RAB11FIP2: variants seen among roughly 807,000 people sequenced by gnomAD.
The protein encoded by RAB11FIP2 is RAB11 family interacting protein 2, also known as rab11 family-interacting protein 2.
Under a neutral mutation model 40.9 loss-of-function variants are expected in RAB11FIP2, and 16 were observed. That is an observed-to-expected ratio of 0.39 (90% CI 0.26 to 0.59). The LOEUF (loss-of-function observed/expected upper bound fraction) is 0.59. Ranked by LOEUF, RAB11FIP2 falls within the 20% of genes least tolerant of loss-of-function variation. RAB11FIP2 has a pLI of 0.53. For missense variants in RAB11FIP2, 532 were observed against 606.2 expected (o/e 0.88, Z 1.28); for synonymous variants, 228 against 213.7 (o/e 1.07, Z -0.58).
At chr10:118,017,508 A>C (rs1477804808) in intron 3 of RAB11FIP2, 1 of 152,158 alleles carries the variant, frequency 6.6e-6, no homozygotes, top group Admixed American at 6.5e-5. Context: ...AGGGCTCTGC[A>C]AACATATGGC....
intron 2 of RAB11FIP2, 77 bp downstream of exon 2, chr10:118,040,046 T>C: frequency 7.2e-7 from 1 of 1,387,822 alleles, no homozygotes; most frequent in Non-Finnish European, 9.8e-7. Flanking sequence ...TATTTTGATT[T>C]ACTAAATTTA....
intron 4 of RAB11FIP2, among the ~76,000 whole-genome samples, chr10:118,010,577 G>C (rs1452546598): frequency 2.6e-5 from 4 of 152,056 alleles, no homozygotes; most frequent in Non-Finnish European, 5.9e-5. Flanking sequence ...CAAGGAACCA[G>C]GACTTTACCA....
rs1163408759 is a variant in RAB11FIP2 at position 118,005,621 on chromosome 10, T to C, written c.*3377A>G. On this transcript the variant is annotated 3_prime_UTR_variant, in exon 5 of 5. Transcript: ENST00000355624. ...TGACACCTACCACCTACAAGACATA[T>C]GAGTACATGAACATCAAAAAAGTTT... is the stretch of plus-strand genomic sequence containing the variant. 6.6e-6 allele frequency: 1 copy of C among 152,134 alleles called. No individual in the cohort carries two copies. Among genetic ancestry groups the C allele is most frequent in the East Asian group, 1.9e-4 (1 of 5,190 alleles). 9.4% of individuals were successfully genotyped at this position (152,134 alleles called of 1,614,324 possible). A position where few individuals can be genotyped will look rare whatever the true frequency, so the allele number is the denominator to read the frequency against.
intron 3 of RAB11FIP2, chr10:118,017,894 T>C (rs980341474): frequency 6.6e-6 from 1 of 152,122 alleles, no homozygotes; most frequent in African/African-American, 2.4e-5. Flanking sequence ...AAACTAACCA[T>C]ATGTAGTAGC....
In RAB11FIP2 at chr10:118,006,334, A is replaced by T. The variant is rs1270704323; in HGVS notation, c.*2664T>A. 6.6e-6 allele frequency: 1 copy of T among 152,590 alleles called. No homozygotes were observed. The highest frequency in any genetic ancestry group is 2.4e-5 in the African/African-American group (1 of 41,454). 9.5% of individuals were successfully genotyped at this position (152,590 alleles called of 1,614,324 possible). Reference sequence around the variant, plus strand: ...AATATCAATTCTGTGATTTTAAAAAATCCTCTTGTTGGTAGTAGTGTTTTG... The same window carrying T: ...AATATCAATTCTGTGATTTTAAAAATTCCTCTTGTTGGTAGTAGTGTTTTG... On this transcript the variant is annotated 3_prime_UTR_variant, in exon 5 of 5. Transcript: ENST00000355624.
intron 1 of RAB11FIP2, among the ~76,000 whole-genome samples, chr10:118,041,037 C>T (rs938661789): frequency 6.6e-6 from 1 of 151,882 alleles, no homozygotes; most frequent in Non-Finnish European, 1.5e-5. Flanking sequence ...TAATAAATAC[C>T]TGGCCCCATC....
At chr10:118,031,014 T>C (rs1846407315) in intron 3 of RAB11FIP2, among the ~76,000 whole-genome samples, 1 of 152,148 alleles carries the variant, frequency 6.6e-6, no homozygotes, top group African/African-American at 2.4e-5. Flanking sequence ...TGTAAATCTC[T>C]GAGCACTAAT....
chr10:118,012,755 T>A (rs1405466182), intron 4 of RAB11FIP2, among the ~76,000 whole-genome samples: 1 of 152,080 alleles, frequency 6.6e-6, no homozygotes, highest in East Asian at 1.9e-4. Flanking sequence ...CTTACAATGG[T>A]TACTCCAAAG....
intron 1 of RAB11FIP2, among the ~76,000 whole-genome samples, chr10:118,043,816 C>T (rs1846592714): frequency 6.6e-6 from 1 of 152,116 alleles, no homozygotes; most frequent in South Asian, 2.1e-4. Context: ...TTGAAATATA[C>T]CGGCGGCTCA....
At position 118,023,497 on chromosome 10, in the gene RAB11FIP2, CA is replaced by C. The variant is rs151220855; in HGVS notation, c.1266-8388del. Reference sequence around the variant, plus strand: ...GTCTCCTGGGACTGGGCATGTACACCAAAACCTCGATGACAAAACAGAACCT... The same window carrying C: ...GTCTCCTGGGACTGGGCATGTACACCAAACCTCGATGACAAAACAGAACCT... On this transcript the variant is annotated intron_variant, in intron 3 of 4. Transcript: ENST00000355624. Among the ~76,000 whole-genome samples the C allele has an allele frequency of 5.5e-3, 844 of 152,152 alleles. 10 individuals are homozygous for C. The highest frequency in any genetic ancestry group is 0.019 in the African/African-American group (802 of 41,514).
intron 4 of RAB11FIP2, among the ~76,000 whole-genome samples, chr10:118,013,447 A>G (rs1195319404): frequency 1.3e-5 from 2 of 152,120 alleles, no homozygotes; most frequent in South Asian, 2.1e-4. Flanking sequence ...GCACTAGCAT[A>G]TAAGACATAC....
rs1408597069 is a variant in RAB11FIP2 at position 118,040,258 on chromosome 10, G to A, written c.661C>T (p.Arg221Ter). Residue 221 changes from arginine (R) to a stop codon, truncating the protein, a stop_gained, in exon 2 of 5, where the codon CGA (arginine) becomes TGA (stop). Transcript: ENST00000355624. LOFTEE classifies it high-confidence loss of function. ...PKKPFLLGPQ[R>*]LSSAHSMSDL... Reference sequence around the variant, plus strand: ...GACATTGAATGCGCTGACGAGAGTCGCTGAGGACCCAAGAGAAAAGGCTTT... The same window carrying A: ...GACATTGAATGCGCTGACGAGAGTCACTGAGGACCCAAGAGAAAAGGCTTT... The A allele has an allele frequency of 2.5e-6, 4 of 1,613,628 alleles. No homozygotes were observed. The highest frequency in any genetic ancestry group is 2.2e-5 in the East Asian group (1 of 44,876).
chr10:118,011,324 A>G (rs897750883), intron 4 of RAB11FIP2, among the ~76,000 whole-genome samples: 7 of 151,982 alleles, frequency 4.6e-5, no homozygotes, highest in East Asian at 1.9e-4. Context: ...AATTCTAGAG[A>G]TAAGTGTTGT....
At chr10:118,032,875 T>C (rs1444549557) in intron 3 of RAB11FIP2, among the ~76,000 whole-genome samples, 2 of 152,118 alleles carry the variant, frequency 1.3e-5, no homozygotes, top group Non-Finnish European at 2.9e-5. Flanking sequence ...AGTTACTTAG[T>C]AGCCATCTCG....
At chr10:118,043,919 T>C (rs567502354) in intron 1 of RAB11FIP2, among the ~76,000 whole-genome samples, 69 of 152,274 alleles carry the variant, frequency 4.5e-4, no homozygotes, top group Middle Eastern at 3.4e-3. Context: ...AATAAAGATA[T>C]CTCATCAAAT....
intron 1 of RAB11FIP2, among the ~76,000 whole-genome samples, chr10:118,042,005 AC>A (rs899433268): frequency 6.6e-6 from 1 of 152,222 alleles, no homozygotes; most frequent in African/African-American, 2.4e-5. Flanking sequence ...GAAATAGACA[AC>A]CTTAAATAAC....
At chr10:118,024,610 C>T (rs567569846) in intron 3 of RAB11FIP2, among the ~76,000 whole-genome samples, 13 of 151,930 alleles carry the variant, frequency 8.6e-5, no homozygotes, top group South Asian at 6.3e-4. Context: ...TGCCTGTCTA[C>T]GTGATCAAGA....
At chr10:118,021,953 T>C (rs1263981868) in intron 3 of RAB11FIP2, among the ~76,000 whole-genome samples, 2 of 152,334 alleles carry the variant, frequency 1.3e-5, no homozygotes, top group Middle Eastern at 3.4e-3. Flanking sequence ...AGTAAATCTT[T>C]TCAACTACCA....
At chr10:118,016,574 A>G (rs977900560) in intron 3 of RAB11FIP2, among the ~76,000 whole-genome samples, 9 of 152,208 alleles carry the variant, frequency 5.9e-5, no homozygotes, top group Non-Finnish European at 1.2e-4. Context: ...CAGGGGGTCC[A>G]GTGGGATTAA....
Sources: allele counts gnomAD v4.1 joint callset (sites outside exome capture counted in the v4.1 genomes callset), GRCh38; gene constraint gnomAD v4.1.1; transcripts MANE v1.5; gene names NCBI Gene and HGNC (gene_info 2026-07-23, HGNC 2026-07-21).